The following CACNA1H variants were observed in gnomAD, a reference collection of about 807,000 sequenced individuals.
The protein encoded by CACNA1H is calcium voltage-gated channel subunit alpha1 H.
A neutral mutation model predicts 192.5 loss-of-function variants in CACNA1H; 149 were observed. The observed-to-expected ratio is 0.77, with a 90% CI of 0.68 to 0.89. The LOEUF (loss-of-function observed/expected upper bound fraction) is 0.89. Ranked by LOEUF, CACNA1H falls within the 40% of genes least tolerant of loss-of-function variation. CACNA1H has a pLI of 0.00. For missense variants in CACNA1H, 4,257 were observed against 3,423.5 expected (o/e 1.24, Z -6.08); for synonymous variants, 2,202 against 1,475.2 (o/e 1.49, Z -11.29).
At chr16:1,184,879 G>T (rs561004519) in intron 2 of CACNA1H, among the ~76,000 whole-genome samples, 19 of 146,082 alleles carry the variant, frequency 1.3e-4, no homozygotes, top group Non-Finnish European at 2.4e-4. Context: ...TGAGGTTCAC[G>T]TACCATGGGA....
intron 18 of CACNA1H, 34 bp from the exon 19 acceptor site, chr16:1,210,336 C>A: frequency 1.6e-6 from 2 of 1,270,252 alleles, no homozygotes; most frequent in South Asian, 1.3e-5. Context: ...CCACGCCGCC[C>A]CGCCCCACCT....
Position 1,177,655 on chromosome 16 carries a change from G to A in CACNA1H, c.300-17317G>A, listed in dbSNP as rs1051515075. On this transcript the variant is annotated intron_variant, in intron 2 of 34. Transcript: ENST00000348261. ...GAGGACGTGGTGGCCGGGGACAGAG[G>A]GAGTGTGTTTCTCGGTTCTGGAGGC... Among the ~76,000 whole-genome samples the A allele has an allele frequency of 3.9e-5, 6 of 152,170 alleles. No homozygotes were observed. The South Asian group carries it at 1.2e-3, about 32-fold the overall frequency.
intron 2 of CACNA1H, among the ~76,000 whole-genome samples, chr16:1,182,810 C>T (rs1322350923): frequency 2.0e-5 from 3 of 152,172 alleles, no homozygotes; most frequent in African/African-American, 4.8e-5. Flanking sequence ...CCCTGGCCCT[C>T]CTCTGACGTT....
At chr16:1,158,333 C>T (rs979368950) in intron 2 of CACNA1H, among the ~76,000 whole-genome samples, 1 of 152,146 alleles carries the variant, frequency 6.6e-6, no homozygotes, top group Non-Finnish European at 1.5e-5. Flanking sequence ...CTCATCCTTC[C>T]TGGGGCGATG....
rs57740463 is a variant in CACNA1H at position 1,200,379 on chromosome 16, C to T, written c.927C>T (p.Arg309=). ...MQKCSHIPGR[R]ELRMPCTLGW... ...AGTGCTCGCACATCCCCGGCCGCCG[C>T]GAGCTGCGCATGCCCTGCACCCTGG... The change falls in exon 7 of 35, where the codon CGC becomes CGT. Residue 309 remains arginine (R), a synonymous_variant. Coordinates refer to ENST00000348261, the MANE Select transcript of CACNA1H (RefSeq NM_021098.3). 36 of 1,602,366 alleles carry T rather than the reference C, an allele frequency of 2.2e-5. No homozygotes were observed. Among genetic ancestry groups the T allele is most frequent in the Non-Finnish European group, 2.7e-5 (32 of 1,175,332 alleles).
chr16:1,180,597 T>C lies in CACNA1H; in HGVS notation c.300-14375T>C, dbSNP rs1965365778. On this transcript the variant is annotated intron_variant, in intron 2 of 34. Transcript: ENST00000348261. The surrounding 1 kb of genome is among the most constrained non-coding windows in gnomAD (Gnocchi z 4.4). ...CGTGGGGGGGCCAGGGAGGAGGGGC[T>C]GCTCTCCATAGTGTGTCGGGTGGGG... is the stretch of plus-strand genomic sequence containing the variant. Among the ~76,000 whole-genome samples the C allele has an allele frequency of 6.7e-6, 1 of 149,896 alleles. No homozygotes were observed. The highest frequency in any genetic ancestry group is 2.2e-4 in the South Asian group (1 of 4,638).
In CACNA1H at chr16:1,167,281, CCGGCCGCCCGCGAA is replaced by C. The variant is rs1963888083; in HGVS notation, c.299+13246_299+13259del. Among the ~76,000 whole-genome samples the C allele has an allele frequency of 6.6e-6, 1 of 152,130 alleles. No homozygotes were observed. Among genetic ancestry groups the C allele is most frequent in the Admixed American group, 6.5e-5 (1 of 15,286 alleles). On this transcript the variant is annotated intron_variant, in intron 2 of 34. Coordinates refer to ENST00000348261, the MANE Select transcript of CACNA1H (RefSeq NM_021098.3). The surrounding 1 kb of genome is among the most constrained non-coding windows in gnomAD (Gnocchi z 4.2). ...AGCCCGTCCCGGTGGGTGGGGCTTG[CCGGCCGCCCGCGAA>C]TGTCAGGAACCTTGGATTCCTGACA...
intron 2 of CACNA1H, among the ~76,000 whole-genome samples, chr16:1,184,457 AG>A (rs1175529722): frequency 1.3e-5 from 2 of 152,170 alleles, no homozygotes; most frequent in Non-Finnish European, 2.9e-5. Flanking sequence ...ATCCGTGGGG[AG>A]GGCTCATCAC....
In CACNA1H at chr16:1,211,853, C is replaced by T. The variant is rs59702803; in HGVS notation, c.4566+48C>T. 1.1e-3 allele frequency: 1,808 copies of T among 1,609,228 alleles called. 2 individuals carry two copies. Among genetic ancestry groups the T allele is most frequent in the Admixed American group, 1.8e-3 (109 of 59,982 alleles). The stretch of plus-strand genomic sequence containing the variant: ...GGGTCACCTCAGGGTCTCCCGCGAG[C>T]GGCTGCCTTGGCCTCTGGGGACTCG... On this transcript the variant is annotated intron_variant, in intron 24 of 34. Transcript: ENST00000348261.
chr16:1,155,118 A>G (rs1412943151), intron 2 of CACNA1H, among the ~76,000 whole-genome samples: 2 of 152,258 alleles, frequency 1.3e-5, no homozygotes, highest in African/African-American at 4.8e-5. Flanking sequence ...AACACGAAAG[A>G]GGAATCTGTA....
At chr16:1,156,261 G>A (rs1280040578) in intron 2 of CACNA1H, among the ~76,000 whole-genome samples, 1 of 152,244 alleles carries the variant, frequency 6.6e-6, no homozygotes, top group East Asian at 1.9e-4. Flanking sequence ...TAGACCCCAA[G>A]CTTGGTTCAT....
At position 1,200,295 on chromosome 16, in the gene CACNA1H, G is replaced by C. The variant is rs761655532; in HGVS notation, c.843G>C (p.Thr281=). 2 of 1,605,950 alleles carry C rather than the reference G, an allele frequency of 1.2e-6. No individual in the cohort carries two copies. The highest frequency in any genetic ancestry group is 1.7e-6 in the Non-Finnish European group (2 of 1,176,538). The change falls in exon 7 of 35, where the codon ACG becomes ACC. Residue 281 remains threonine, a synonymous_variant. Coordinates refer to ENST00000348261, the MANE Select transcript of CACNA1H (RefSeq NM_021098.3). The stretch of plus-strand genomic sequence containing the variant: ...CCTTCCTGCGGCCGTACTACCAGAC[G>C]GAGGAGGGCGAGGAGAACCCGTTCA... The part of the protein sequence containing the change: ...NLTFLRPYYQ[T]EEGEENPFIC...
Position 1,210,364 on chromosome 16 carries a change from A to G in CACNA1H, c.3846-6A>G. On this transcript the variant is annotated splice_polypyrimidine_tract_variant and splice_region_variant and intron_variant, in intron 18 of 34. Coordinates refer to ENST00000348261, the MANE Select transcript of CACNA1H (RefSeq NM_021098.3). ...CCCCACCTCTCACCCGCCCCCGCCC[A>G]CCCAGGTTCCGCGTCTCCTGCCAGA... 2.8e-5 allele frequency: 4 copies of G among 141,398 alleles called. No individual in the cohort carries two copies. The highest frequency in any genetic ancestry group is 2.4e-5 in the Non-Finnish European group (2 of 82,212). 8.8% of individuals were successfully genotyped at this position (141,398 alleles called of 1,614,324 possible).
chr16:1,218,399 G>A lies in CACNA1H; in HGVS notation c.5635G>A (p.Glu1879Lys), dbSNP rs377103385. The A allele has an allele frequency of 2.1e-5, 33 of 1,558,020 alleles. No homozygotes were observed. The highest frequency in any genetic ancestry group is 8.3e-5 in the South Asian group (7 of 84,404). ...ACGGGAGGATGCGGAGCTGGACGCC[G>A]AGATCGAGCTGGAGATGGCGCAGGG... is the stretch of plus-strand genomic sequence containing the variant. The part of the protein sequence containing the change: ...EAREDAELDA[E>K]IELEMAQGPG... Residue 1879 changes from glutamate (E) to lysine (K), a missense_variant, in exon 33 of 35, where the codon GAG becomes AAG. By Grantham distance (56) the Glu-to-Lys change is moderately conservative. Transcript: ENST00000348261.
At chr16:1,159,271 C>T (rs189036444) in intron 2 of CACNA1H, among the ~76,000 whole-genome samples, 151 of 152,286 alleles carry the variant, frequency 9.9e-4, no homozygotes, top group African/African-American at 3.2e-3. Context: ...GTGGGGTGGG[C>T]CCGACAGGGG....
At position 1,200,498 on chromosome 16, in the gene CACNA1H, C is replaced by G; in HGVS notation, c.1046C>G (p.Ser349Trp). 1 of 1,612,274 alleles carries G rather than the reference C, an allele frequency of 6.2e-7. No homozygotes were observed. Among genetic ancestry groups the G allele is most frequent in the Non-Finnish European group, 8.5e-7 (1 of 1,179,724 alleles). ...AACCAGTACTACAACGTGTGCCGCT[C>G]GGGTGACTCCAACCCCCACAACGGT... ...NWNQYYNVCR[S>W]GDSNPHNGAI... is the part of the protein sequence containing the mutation. The change falls in exon 7 of 35, where the codon TCG becomes TGG. Residue 349 changes from serine to tryptophan, a missense_variant. By Grantham distance (177) the Ser-to-Trp change is radical (BLOSUM62 -3). Transcript: ENST00000348261.
chr16:1,219,232 A>AG, intron 34 of CACNA1H, 102 bp downstream of exon 34: 1 of 1,222,142 alleles, frequency 8.2e-7, no homozygotes, highest in Non-Finnish European at 1.1e-6. Context: ...ACAAGGCAGG[A>AG]GGAGGGTCGC....
chr16:1,196,905 G>T (rs1967046379), intron 5 of CACNA1H, among the ~76,000 whole-genome samples: 2 of 152,202 alleles, frequency 1.3e-5, no homozygotes, highest in African/African-American at 4.8e-5. Context: ...GGCCGTACCA[G>T]GCGCGAGTGC....
At chr16:1,157,662 C>T (rs868781323) in intron 2 of CACNA1H, 20 of 152,264 alleles carry the variant, frequency 1.3e-4, no homozygotes, top group African/African-American at 4.3e-4. Context: ...ATCGTGGGGA[C>T]CCTCTTGAAC....
Sources: allele counts gnomAD v4.1 joint callset (sites outside exome capture counted in the v4.1 genomes callset), GRCh38; gene constraint gnomAD v4.1.1; non-coding constraint Gnocchi (gnomAD v3.1); transcripts MANE v1.5; gene names NCBI Gene and HGNC (gene_info 2026-07-23, HGNC 2026-07-21).